Variants in GRM4 observed in about 807,000 individuals in gnomAD.
The protein encoded by GRM4 is metabotropic glutamate receptor 4.
Under a neutral mutation model 81.7 loss-of-function variants are expected in GRM4, and 28 were observed. The ratio of observed to expected loss-of-function variants is 0.34; its 90% CI spans 0.25 to 0.47. GRM4 has a LOEUF of 0.47. Among genes scored for constraint, GRM4 ranks in the 20% least tolerant of loss-of-function variants. The pLI is 1.00. For missense variants in GRM4, 948 were observed against 1,290.0 expected (o/e 0.73, Z 4.06); for synonymous variants, 488 against 528.8 (o/e 0.92, Z 1.06).
chr6:34,085,808 G>A (rs1311659492), intron 3 of GRM4, among the ~76,000 whole-genome samples: 1 of 152,176 alleles, frequency 6.6e-6, no homozygotes, highest in Non-Finnish European at 1.5e-5. Flanking sequence ...CAGGGTACGG[G>A]GACTGGAGAG....
chr6:34,028,095 G>A (rs1764222352), intron 10 of GRM4, 25 bp downstream of exon 10: 3 of 1,598,556 alleles, frequency 1.9e-6, no homozygotes, highest in Middle Eastern at 1.7e-4. Context: ...GGGCCCGAGA[G>A]GGCAGAACGG....
rs1289476858 is a variant in GRM4 at position 34,111,234 on chromosome 6, G to C, written c.520-19135C>G. On this transcript the variant is annotated intron_variant, in intron 2 of 10. Transcript: ENST00000538487. This position sits in a 1 kb window ranked among gnomAD's most constrained non-coding sequence, Gnocchi z 5.1. The stretch of plus-strand genomic sequence containing the variant: ...AACACTTCAGGCACATGGGTGCACT[G>C]AGCATCCCTAGACACCCCCACCCCA... Among the ~76,000 whole-genome samples the C allele has an allele frequency of 6.6e-6, 1 of 150,864 alleles. No homozygotes were observed. The highest frequency in any genetic ancestry group is 1.5e-5 in the Non-Finnish European group (1 of 67,892).
chr6:34,059,179 C>T lies in GRM4; in HGVS notation c.873-51G>A, dbSNP rs374595645. ...CCAGCCGCGTCTGTCCACGAAACTG[C>T]CCCCACTCCTGGCCACACTTGCTTT... On this transcript the variant is annotated intron_variant, in intron 4 of 10. Coordinates refer to ENST00000538487, the MANE Select transcript of GRM4 (RefSeq NM_000841.4). This position sits in a 1 kb window ranked among gnomAD's most constrained non-coding sequence, Gnocchi z 5.7. The T allele has an allele frequency of 4.2e-5, 65 of 1,565,848 alleles. No homozygotes were observed. Among genetic ancestry groups the T allele is most frequent in the Non-Finnish European group, 5.2e-5 (59 of 1,142,074 alleles).
chr6:34,076,296 C>A (rs887470832), intron 3 of GRM4, among the ~76,000 whole-genome samples: 1 of 151,388 alleles, frequency 6.6e-6, no homozygotes, highest in African/African-American at 2.4e-5. Context: ...CACAAGTAGG[C>A]GTTGGGTAAT....
intron 2 of GRM4, among the ~76,000 whole-genome samples, chr6:34,119,742 G>A (rs1024647901): frequency 6.6e-6 from 1 of 152,208 alleles, no homozygotes; most frequent in African/African-American, 2.4e-5. Context: ...GGGGCACTAC[G>A]CAGCCACACA....
At chr6:34,151,220 A>G (rs1467704625) in intron 1 of GRM4, among the ~76,000 whole-genome samples, 24 of 152,174 alleles carry the variant, frequency 1.6e-4, no homozygotes, top group Admixed American at 1.6e-3. Flanking sequence ...CACTGGGCTG[A>G]CACTGTGCCG....
chr6:34,082,361 GC>G (rs1767647952), intron 3 of GRM4, among the ~76,000 whole-genome samples: 1 of 152,234 alleles, frequency 6.6e-6, no homozygotes, highest in African/African-American at 2.4e-5. Flanking sequence ...TCCCCACTGG[GC>G]CCAAGAACAA....
Position 34,028,163 on chromosome 6 carries a change from G to T in GRM4, c.2646C>A (p.Asn882Lys). 6.2e-7 allele frequency: 1 copy of T among 1,613,954 alleles called. No individual in the cohort carries two copies. The highest frequency in any genetic ancestry group is 1.7e-5 in the Admixed American group (1 of 60,024). The change falls in exon 10 of 11, where the codon AAC (asparagine) becomes AAA (lysine). Residue 882 changes from asparagine to lysine, a missense_variant. Transcript: ENST00000538487. ...KFTQKGNFRP[N>K]GEAKSELCEN... is the part of the protein sequence containing the mutation. Reference sequence around the variant, plus strand: ...CGCAGAGCTCAGACTTGGCCTCTCCGTTGGGCCGGAAGTTGCCCTTCTGCG... The same window carrying T: ...CGCAGAGCTCAGACTTGGCCTCTCCTTTGGGCCGGAAGTTGCCCTTCTGCG...
At position 34,022,982 on chromosome 6, in the gene GRM4, A is replaced by T; in HGVS notation, c.2690-112T>A. On this transcript the variant is annotated intron_variant, in intron 10 of 10. Transcript: ENST00000538487. This position sits in a 1 kb window ranked among gnomAD's most constrained non-coding sequence, Gnocchi z 5.6. ...AACCTACCATAGCTCCCCGCCTCTCATGGCATCCAGTCCTGAGCTGAGCAA... is the reference window on the plus strand; with the variant it reads ...AACCTACCATAGCTCCCCGCCTCTCTTGGCATCCAGTCCTGAGCTGAGCAA... 5 of 845,934 alleles carry T rather than the reference A, an allele frequency of 5.9e-6. No homozygotes were observed. The highest frequency in any genetic ancestry group is 8.1e-6 in the Non-Finnish European group (4 of 495,046). 52.4% of individuals were successfully genotyped at this position (845,934 alleles called of 1,614,324 possible). A position where few individuals can be genotyped will look rare whatever the true frequency, so the allele number is the denominator to read the frequency against.
chr6:34,030,856 T>A (rs1764375965), intron 9 of GRM4, among the ~76,000 whole-genome samples: 1 of 152,132 alleles, frequency 6.6e-6, no homozygotes, highest in South Asian at 2.1e-4. Flanking sequence ...TATAAATAGA[T>A]CAAAACCCTC....
At chr6:34,151,496 A>G (rs116375654) in intron 1 of GRM4, among the ~76,000 whole-genome samples, 1,524 of 152,268 alleles carry the variant, frequency 0.01, 20 homozygotes, top group Middle Eastern at 0.034. Context: ...AATACAATTA[A>G]CATTTAAAAG....
At chr6:34,155,301 G>C (rs781759024) in exon 1 of GRM4, 62 of 1,531,454 alleles carry the variant, frequency 4.0e-5, no homozygotes, top group South Asian at 7.2e-5. Flanking sequence ...GTGGGGTACA[G>C]GGGTGGGGTG....
chr6:34,151,418 A>G (rs912073855), intron 1 of GRM4, among the ~76,000 whole-genome samples: 7 of 151,968 alleles, frequency 4.6e-5, no homozygotes, highest in Admixed American at 4.6e-4. Context: ...CTCTCTCTCC[A>G]CATGTCCGGG....
intron 5 of GRM4, among the ~76,000 whole-genome samples, chr6:34,058,501 G>A (rs568218657): frequency 2.6e-5 from 4 of 152,276 alleles, no homozygotes; most frequent in African/African-American, 4.8e-5. Flanking sequence ...GGCCATTAAC[G>A]AGAACGTCAC....
rs1383257112 is a variant in GRM4, at chr6:34,047,924, C to A, written c.1169-7176G>T. On this transcript the variant is annotated intron_variant, in intron 6 of 10. Coordinates refer to ENST00000538487, the MANE Select transcript of GRM4 (RefSeq NM_000841.4). This position sits in a 1 kb window ranked among gnomAD's most constrained non-coding sequence, Gnocchi z 4.5. ...AGCCACAGGCTCCTTTTGAAGGAAA[C>A]CATTCTTGCAAACCCTCAAGAATAT... Among the ~76,000 whole-genome samples, 1 of 152,154 alleles carries A rather than the reference C, an allele frequency of 6.6e-6. No individual in the cohort carries two copies. Among genetic ancestry groups the A allele is most frequent in the Admixed American group, 6.6e-5 (1 of 15,266 alleles).
chr6:34,149,135 T>TA (rs1554136574), upstream of GRM4, among the ~76,000 whole-genome samples: 2 of 150,198 alleles, frequency 1.3e-5, no homozygotes, highest in African/African-American at 5.0e-5. Context: ...GGAAAGCAAC[T>TA]CCCCCCCAAC....
chr6:34,110,542 C>G, intron 2 of GRM4: 1 of 572,554 alleles, frequency 1.7e-6, no homozygotes, highest in Non-Finnish European at 3.1e-6. Flanking sequence ...AGAATATCCT[C>G]CTTCACACCA....
intron 10 of GRM4, among the ~76,000 whole-genome samples, chr6:34,025,743 C>T (rs1164691215): frequency 6.6e-6 from 1 of 152,242 alleles, no homozygotes; most frequent in Non-Finnish European, 1.5e-5. Context: ...GGAATCTCGA[C>T]ACCTGCCATG....
At chr6:34,040,422 G>T (rs1764947926) in intron 7 of GRM4, 108 bp from the exon 8 acceptor site, 1 of 1,445,662 alleles carries the variant, frequency 6.9e-7, no homozygotes, top group Non-Finnish European at 9.6e-7. Flanking sequence ...AACATTCTGG[G>T]AGATTTCACC....
Sources: gnomAD v4.1 joint callset for allele counts (sites outside exome capture counted in the v4.1 genomes callset) on GRCh38, gnomAD v4.1.1 for gene constraint, Gnocchi (gnomAD v3.1) non-coding constraint, MANE v1.5 for transcripts, NCBI Gene and HGNC (gene_info 2026-07-23, HGNC 2026-07-21) for gene names.